Variants in SGCZ observed in about 807,000 individuals in gnomAD.
The protein encoded by SGCZ is sarcoglycan zeta, also known as zeta-sarcoglycan.
SGCZ carries 40 observed loss-of-function variants against 41.3 expected under a neutral mutation model. The ratio of observed to expected loss-of-function variants is 0.97; its 90% CI spans 0.75 to 1.26. The LOEUF is 1.26. SGCZ is among the 50% of genes most tolerant of loss of function. SGCZ has a pLI of 0.00. For missense variants in SGCZ, 552 were observed against 369.8 expected (o/e 1.49, Z -4.04); for synonymous variants, 206 against 137.5 (o/e 1.50, Z -3.49).
chr8:15,018,148 C>CA (rs1803109942), intron 1 of SGCZ, among the ~76,000 whole-genome samples: 1 of 152,132 alleles, frequency 6.6e-6, no homozygotes, highest in Non-Finnish European at 1.5e-5. Flanking sequence ...CCACATAAGC[C>CA]ACCCCCCAGC....
chr8:14,513,031 G>A (rs541493236), intron 2 of SGCZ, among the ~76,000 whole-genome samples: 9 of 152,178 alleles, frequency 5.9e-5, no homozygotes, highest in South Asian at 2.1e-4. Flanking sequence ...AATCTTGTTC[G>A]TGCCTTGCTC....
At chr8:14,273,340 G>C (rs906660019) in intron 3 of SGCZ, among the ~76,000 whole-genome samples, 1 of 152,132 alleles carries the variant, frequency 6.6e-6, no homozygotes. Flanking sequence ...TTATCATCCA[G>C]CAAAATGTGT....
intron 1 of SGCZ, among the ~76,000 whole-genome samples, chr8:14,827,720 C>T (rs1563297803): frequency 6.6e-6 from 1 of 152,168 alleles, no homozygotes; most frequent in African/African-American, 2.4e-5. Context: ...CATTTGCCAA[C>T]CTCAACTCTA....
At chr8:14,371,823 A>G (rs901299401) in intron 2 of SGCZ, among the ~76,000 whole-genome samples, 6 of 152,194 alleles carry the variant, frequency 3.9e-5, no homozygotes, top group African/African-American at 1.4e-4. Context: ...GTACACATGT[A>G]TAAATAAGAT....
intron 1 of SGCZ, among the ~76,000 whole-genome samples, chr8:15,200,829 A>C (rs543923713): frequency 6.6e-6 from 1 of 152,182 alleles, no homozygotes; most frequent in South Asian, 2.1e-4. Flanking sequence ...TTAACCTGTC[A>C]CACTCTGCCT....
At chr8:14,740,757 C>A (rs1185856100) in intron 1 of SGCZ, among the ~76,000 whole-genome samples, 2 of 152,010 alleles carry the variant, frequency 1.3e-5, no homozygotes, top group South Asian at 4.1e-4. Flanking sequence ...TCATCTCCCC[C>A]TTTGCCTGGA....
intron 2 of SGCZ, among the ~76,000 whole-genome samples, chr8:14,411,029 A>T (rs1344742197): frequency 6.6e-6 from 1 of 152,146 alleles, no homozygotes; most frequent in Non-Finnish European, 1.5e-5. Flanking sequence ...AAACAATTAC[A>T]ATTCCAGATA....
At chr8:14,178,566 T>C (rs1804624683) in intron 4 of SGCZ, among the ~76,000 whole-genome samples, 1 of 152,230 alleles carries the variant, frequency 6.6e-6, no homozygotes, top group Non-Finnish European at 1.5e-5. Context: ...TTGGATATTT[T>C]GATAAGCAAG....
intron 2 of SGCZ, among the ~76,000 whole-genome samples, chr8:14,384,710 C>T (rs1223710509): frequency 1.3e-5 from 2 of 152,154 alleles, no homozygotes; most frequent in Non-Finnish European, 2.9e-5. Flanking sequence ...CAGGCATATG[C>T]CACCATACCC....
intron 2 of SGCZ, among the ~76,000 whole-genome samples, chr8:14,474,728 A>G (rs1189357803): frequency 6.6e-6 from 1 of 152,186 alleles, no homozygotes; most frequent in Non-Finnish European, 1.5e-5. Context: ...ACTTAAATTT[A>G]CTGTTAGATT....
At chr8:14,820,868 TC>T (rs1802055384) in intron 1 of SGCZ, among the ~76,000 whole-genome samples, 1 of 123,612 alleles carries the variant, frequency 8.1e-6, no homozygotes, top group African/African-American at 3.8e-5. Flanking sequence ...AACCCCTAGA[TC>T]AAAAAACAAA....
chr8:15,159,803 A>G (rs1259820021), intron 1 of SGCZ, among the ~76,000 whole-genome samples: 1 of 127,830 alleles, frequency 7.8e-6, no homozygotes, highest in Admixed American at 9.4e-5. Context: ...ATGGCAGATA[A>G]TTTTCTGGGA....
At chr8:14,237,354 A>T (rs565581141) in intron 4 of SGCZ, among the ~76,000 whole-genome samples, 1 of 152,062 alleles carries the variant, frequency 6.6e-6, no homozygotes, top group Non-Finnish European at 1.5e-5. Context: ...GGGAAATAAC[A>T]TACTTCCACT....
chr8:14,765,967 C>CTTTTT (rs59212700), intron 1 of SGCZ, among the ~76,000 whole-genome samples: 1,659 of 141,554 alleles, frequency 0.012, 15 homozygotes, highest in Non-Finnish European at 0.017. Flanking sequence ...ATATGATAGT[C>CTTTTT]TTTTTTTTTT....
At chr8:14,285,551 T>A (rs138186699) in intron 3 of SGCZ, among the ~76,000 whole-genome samples, 156 of 148,818 alleles carry the variant, frequency 1.0e-3, no homozygotes, top group Non-Finnish European at 1.8e-3. Flanking sequence ...ACTGAAAAAA[T>A]AGGTCCTATC....
intron 2 of SGCZ, among the ~76,000 whole-genome samples, chr8:14,538,040 A>G (rs941865373): frequency 3.3e-5 from 5 of 151,932 alleles, no homozygotes; most frequent in African/African-American, 1.2e-4. Context: ...ACTAACGTTA[A>G]TTAGGCCCAC....
intron 1 of SGCZ, among the ~76,000 whole-genome samples, chr8:14,580,072 C>A (rs941997210): frequency 6.6e-6 from 1 of 152,088 alleles, no homozygotes; most frequent in Non-Finnish European, 1.5e-5. Flanking sequence ...TACTGCTACC[C>A]AACACAAAGA....
intron 1 of SGCZ, among the ~76,000 whole-genome samples, chr8:14,598,386 A>G (rs1248155682): frequency 6.6e-6 from 1 of 151,936 alleles, no homozygotes; most frequent in Non-Finnish European, 1.5e-5. Flanking sequence ...TATCTTCCTA[A>G]TTGCCGGTTC....
intron 2 of SGCZ, among the ~76,000 whole-genome samples, chr8:14,389,351 G>C (rs1804679775): frequency 6.6e-6 from 1 of 151,346 alleles, no homozygotes; most frequent in South Asian, 2.1e-4. Flanking sequence ...AAAAATATAA[G>C]TACTCAGATT....
Sources: gnomAD v4.1 joint callset for allele counts (sites outside exome capture counted in the v4.1 genomes callset) on GRCh38, gnomAD v4.1.1 for gene constraint, MANE v1.5 for transcripts, NCBI Gene and HGNC (gene_info 2026-07-23, HGNC 2026-07-21) for gene names.